The following NEK9 variants were observed in gnomAD, a reference collection of about 807,000 sequenced individuals.
NEK9 encodes serine/threonine-protein kinase Nek9.
NEK9 carries 75 observed loss-of-function variants against 123.4 expected under a neutral mutation model. That is an observed-to-expected ratio of 0.61 (90% CI 0.50 to 0.74). NEK9 has a LOEUF of 0.74. NEK9 is among the 30% of genes least tolerant of loss of function. NEK9 has a pLI of 0.00. For synonymous variants in NEK9, 438 were observed against 458.7 expected (o/e 0.95, Z 0.58); for missense variants, 952 against 1,214.4 (o/e 0.78, Z 3.21).
intron 16 of NEK9, among the ~76,000 whole-genome samples, chr14:75,099,727 A>G (rs1430632285): frequency 6.7e-6 from 1 of 148,866 alleles, no homozygotes; most frequent in Non-Finnish European, 1.5e-5. Context: ...AGTTGCAGTG[A>G]GCTGAGATCG....
chr14:75,121,908 T>C (rs771087688), intron 2 of NEK9, among the ~76,000 whole-genome samples: 3 of 152,166 alleles, frequency 2.0e-5, no homozygotes, highest in Non-Finnish European at 4.4e-5. Context: ...TGTGATGCAA[T>C]GTTTTGTATT....
intron 6 of NEK9, among the ~76,000 whole-genome samples, chr14:75,115,990 C>T (rs1049324142): frequency 2.0e-5 from 3 of 151,978 alleles, no homozygotes; most frequent in Non-Finnish European, 4.4e-5. Flanking sequence ...TTAACACCCA[C>T]GATGTGTTAG....
At chr14:75,107,271 TA>T in intron 11 of NEK9, 71 bp downstream of exon 11, 1 of 1,483,446 alleles carries the variant, frequency 6.7e-7, no homozygotes, top group Non-Finnish European at 9.1e-7. Flanking sequence ...AAATCCCAAC[TA>T]AGATTGCACA....
chr14:75,121,018 G>C, intron 3 of NEK9, 101 bp downstream of exon 3: 4 of 996,264 alleles, frequency 4.0e-6, no homozygotes, highest in Non-Finnish European at 4.8e-6. Context: ...CTGAACAAAA[G>C]GAAAAAAACA....
At chr14:75,119,490 T>G (rs2139802144) in intron 4 of NEK9, among the ~76,000 whole-genome samples, 1 of 152,266 alleles carries the variant, frequency 6.6e-6, no homozygotes, top group African/African-American at 2.4e-5. Flanking sequence ...AGCATAGAAA[T>G]ATCTCCCATA....
Position 75,109,199 on chromosome 14 carries a change from G to A in NEK9, c.1182+486C>T, listed in dbSNP as rs146565250. On this transcript the variant is annotated intron_variant, in intron 10 of 21. Coordinates refer to ENST00000238616, the MANE Select transcript of NEK9 (RefSeq NM_033116.6). ...AAACACAGACAATTTGTTAAGGAAG[G>A]TGAGAGGGGAGAATCTAGAGGGCAA... Among the ~76,000 whole-genome samples, 712 of 152,296 alleles carry A rather than the reference G, an allele frequency of 4.7e-3. 6 individuals carry two copies. The highest frequency in any genetic ancestry group is 0.033 in the South Asian group (157 of 4,828).
chr14:75,107,512 C>CTT, intron 10 of NEK9, 25 bp from the exon 11 acceptor site: 9 of 1,422,292 alleles, frequency 6.3e-6, no homozygotes, highest in Admixed American at 2.4e-5. Context: ...GGTCTTATGA[C>CTT]TTTTTTTTTT....
chr14:75,097,854 A>G (rs1428795229), intron 16 of NEK9, among the ~76,000 whole-genome samples: 3 of 152,180 alleles, frequency 2.0e-5, no homozygotes, highest in African/African-American at 4.8e-5. Context: ...CAGCAAAAGT[A>G]ATGTCAGCAG....
Position 75,082,915 on chromosome 14 carries a change from G to A in NEK9, c.*1649C>T. On this transcript the variant is annotated 3_prime_UTR_variant, in exon 22 of 22. Transcript: ENST00000238616. ...GCTGCTTCCCTTATTTCAAGAAAAGGTTTCAGTGATTACATTAGTACTAAT... is the reference window on the plus strand; with the variant it reads ...GCTGCTTCCCTTATTTCAAGAAAAGATTTCAGTGATTACATTAGTACTAAT... 2.5e-6 allele frequency: 1 copy of A among 398,528 alleles called. No individual in the cohort carries two copies. The highest frequency in any genetic ancestry group is 1.3e-4 in the South Asian group (1 of 7,810). The allele number at this position is 398,528 out of a possible 1,614,324, so 24.7% of individuals were successfully genotyped here. A position where few individuals can be genotyped will look rare whatever the true frequency, so the allele number is the denominator to read the frequency against.
chr14:75,126,618 G>T, intron 1 of NEK9, 85 bp downstream of exon 1: 1 of 1,128,894 alleles, frequency 8.9e-7, no homozygotes, highest in South Asian at 1.9e-5. Context: ...CTAAGCTCAC[G>T]ACGCTGGGAA....
In NEK9 at chr14:75,091,854, T is replaced by A. The variant is rs1894228803; in HGVS notation, c.2234-376A>T. On this transcript the variant is annotated intron_variant, in intron 18 of 21. Transcript: ENST00000238616. ...TAAGAGATACATTCAGATTCCAGCA[T>A]CCTCCATAGACACTTATCTTATATA... Among the ~76,000 whole-genome samples, 3 of 152,184 alleles carry A rather than the reference T, an allele frequency of 2.0e-5. No homozygotes were observed. The South Asian group carries it at 6.2e-4, about 31-fold the overall frequency.
At position 75,094,507 on chromosome 14, in the gene NEK9, G is replaced by C. The variant is rs1894318328; in HGVS notation, c.2233+865C>G. Among the ~76,000 whole-genome samples, 5 of 152,132 alleles carry C rather than the reference G, an allele frequency of 3.3e-5. No homozygotes were observed. The South Asian group carries it at 1.0e-3, about 32-fold the overall frequency. On this transcript the variant is annotated intron_variant, in intron 18 of 21. Transcript: ENST00000238616. ...TGTGTTTTGATTCCAAACAATATCA[G>C]AATCTGGGCTGGGCATGGTGGCTCA... is the stretch of plus-strand genomic sequence containing the variant.
In NEK9 at chr14:75,126,873, C is replaced by T; in HGVS notation, c.49G>A (p.Asp17Asn). 1 of 1,526,454 alleles carries T rather than the reference C, an allele frequency of 6.6e-7. No individual in the cohort carries two copies. Among genetic ancestry groups the T allele is most frequent in the Non-Finnish European group, 8.8e-7 (1 of 1,136,654 alleles). 94.6% of individuals were successfully genotyped at this position (1,526,454 alleles called of 1,614,324 possible). Residue 17 changes from aspartate to asparagine, a missense_variant, in exon 1 of 22, where the codon GAC (aspartate) becomes AAC (asparagine). By Grantham distance (23) the Asp-to-Asn change is conservative. Coordinates refer to ENST00000238616, the MANE Select transcript of NEK9 (RefSeq NM_033116.6). ...CAACCCCCGGACTCGCTCCCAAAGT[C>T]CGAGTTGATGGAATCGCAGTGTCGC... ...YERHCDSINS[D>N]FGSESGGCGD... is the part of the protein sequence containing the mutation.
At chr14:75,102,211 T>C (rs1894606559) in intron 14 of NEK9, among the ~76,000 whole-genome samples, 1 of 152,220 alleles carries the variant, frequency 6.6e-6, no homozygotes, top group Admixed American at 6.5e-5. Context: ...CTCAACTTAA[T>C]TAAAACTCAT....
rs201728082 is a variant in NEK9, at chr14:75,087,177, A to C, written c.2658T>G (p.Thr886=). The change falls in exon 21 of 22, where the codon ACT becomes ACG. Residue 886 remains threonine, a synonymous_variant. Transcript: ENST00000238616. ...VTCAGKGTPL[T]PPACACSSLQ... ...GAGAGCTGCACGCACACGCAGGAGG[A>C]GTCAGTGGTGTTCCCTTCCCAGCAC... is the stretch of plus-strand genomic sequence containing the variant. 7.8e-5 allele frequency: 126 copies of C among 1,614,150 alleles called. No homozygotes were observed. The highest frequency in any genetic ancestry group is 8.9e-5 in the Non-Finnish European group (105 of 1,180,014).
intron 19 of NEK9, among the ~76,000 whole-genome samples, chr14:75,089,702 ATTT>A (rs781617599): frequency 7.3e-6 from 1 of 137,248 alleles, no homozygotes. Context: ...TGCCCAGCTA[ATTT>A]TTTTTTTTTT....
chr14:75,120,868 A>G, intron 3 of NEK9: 1 of 611,066 alleles, frequency 1.6e-6, no homozygotes, highest in Middle Eastern at 4.3e-4. Context: ...AAAACTGGGC[A>G]TACCAGTACG....
intron 19 of NEK9, 110 bp from the exon 20 acceptor site, chr14:75,088,751 G>C (rs1894109464): frequency 1.1e-6 from 1 of 948,838 alleles, no homozygotes; most frequent in Non-Finnish European, 1.6e-6. Flanking sequence ...GCACCCTCTA[G>C]TGGGCAAGAC....
chr14:75,085,802 A>G (rs1011279126), intron 21 of NEK9, among the ~76,000 whole-genome samples: 1 of 152,284 alleles, frequency 6.6e-6, no homozygotes, highest in Admixed American at 6.5e-5. Flanking sequence ...AGGTCAGAGA[A>G]TCACTTGAGC....
Sources: gnomAD v4.1 joint callset for allele counts (sites outside exome capture counted in the v4.1 genomes callset) on GRCh38, gnomAD v4.1.1 for gene constraint, MANE v1.5 for transcripts, NCBI Gene and HGNC (gene_info 2026-07-23, HGNC 2026-07-21) for gene names.